Variants in DSCAML1 observed in about 807,000 individuals in gnomAD.
DSCAML1 encodes the protein DS cell adhesion molecule like 1.
Under a neutral mutation model 200.5 loss-of-function variants are expected in DSCAML1, and 38 were observed. The observed-to-expected ratio is 0.19, with a 90% CI of 0.15 to 0.25. The LOEUF (loss-of-function observed/expected upper bound fraction) is 0.25. Among genes scored for constraint, DSCAML1 ranks in the 10% least tolerant of loss-of-function variants. The probability of loss-of-function intolerance (pLI) is 1.00; values close to 1 mark genes in which losing one functional copy is unlikely to be tolerated. For synonymous variants in DSCAML1, 1,215 were observed against 1,165.0 expected (o/e 1.04, Z -0.87); for missense variants, 2,223 against 2,858.8 (o/e 0.78, Z 5.07).
Position 117,535,835 on chromosome 11 carries a change from T to C in DSCAML1, c.512-3313A>G, listed in dbSNP as rs931184638. Among the ~76,000 whole-genome samples, 8 of 141,490 alleles carry C rather than the reference T, an allele frequency of 5.7e-5. 1 individual carries two copies. Among genetic ancestry groups the C allele is most frequent in the African/African-American group, 1.3e-4 (5 of 37,222 alleles). 92.8% of individuals were successfully genotyped at this position (141,490 alleles called of 152,430 possible). ...GCCCTGGACAGCTAGGACCCTGTGATCTTGCATCTCCCGGCACCTCAAGAC... is the reference window on the plus strand; with the variant it reads ...GCCCTGGACAGCTAGGACCCTGTGACCTTGCATCTCCCGGCACCTCAAGAC... On this transcript the variant is annotated intron_variant, in intron 3 of 32. Coordinates refer to ENST00000651296, the MANE Select transcript of DSCAML1 (RefSeq NM_020693.4).
intron 3 of DSCAML1, among the ~76,000 whole-genome samples, chr11:117,581,240 T>C (rs1250232296): frequency 1.3e-5 from 2 of 152,174 alleles, no homozygotes; most frequent in Non-Finnish European, 2.9e-5. Context: ...ACTATCAAAG[T>C]GTAATTATCT....
intron 1 of DSCAML1, among the ~76,000 whole-genome samples, chr11:117,795,948 G>A (rs908525423): frequency 6.6e-6 from 1 of 152,236 alleles, no homozygotes; most frequent in Non-Finnish European, 1.5e-5. Context: ...AGAAAAGTTA[G>A]AGGGCTGAAC....
intron 3 of DSCAML1, among the ~76,000 whole-genome samples, chr11:117,749,492 T>G (rs2054570206): frequency 6.6e-6 from 1 of 152,176 alleles, no homozygotes; most frequent in Admixed American, 6.5e-5. Flanking sequence ...CACAGAGATC[T>G]CAGGTAAATG....
chr11:117,584,821 C>G, intron 3 of DSCAML1, among the ~76,000 whole-genome samples: 1 of 152,166 alleles, frequency 6.6e-6, no homozygotes, highest in East Asian at 1.9e-4. Flanking sequence ...GGGCTCTGGG[C>G]AAGTGACTCA....
At chr11:117,699,158 AGG>A (rs1230936794) in intron 3 of DSCAML1, among the ~76,000 whole-genome samples, 2 of 152,106 alleles carry the variant, frequency 1.3e-5, no homozygotes, top group African/African-American at 4.8e-5. Flanking sequence ...CCAGCAATGA[AGG>A]GAGGAGAAGG....
At chr11:117,746,060 A>G (rs1301585913) in intron 3 of DSCAML1, among the ~76,000 whole-genome samples, 1 of 151,658 alleles carries the variant, frequency 6.6e-6, no homozygotes, top group African/African-American at 2.4e-5. Flanking sequence ...TAAAAAAAAA[A>G]AAATACCAAA....
chr11:117,797,143 C>A lies in DSCAML1; in HGVS notation c.-64G>T, dbSNP rs1387698686. The stretch of plus-strand genomic sequence containing the variant: ...TGGCCGGCCGTGCGGCAGCGCCTCT[C>A]CCCCGCTCAGCGCGCTCCCAGCCGC... On this transcript the variant is annotated 5_prime_UTR_variant, in exon 1 of 33. Coordinates refer to ENST00000651296, the MANE Select transcript of DSCAML1 (RefSeq NM_020693.4). 1 of 1,590,542 alleles carries A rather than the reference C, an allele frequency of 6.3e-7. No individual in the cohort carries two copies. The highest frequency in any genetic ancestry group is 2.4e-5 in the East Asian group (1 of 42,332).
chr11:117,734,564 T>C (rs1168382102), intron 3 of DSCAML1, among the ~76,000 whole-genome samples: 3 of 152,204 alleles, frequency 2.0e-5, no homozygotes, highest in African/African-American at 7.2e-5. Context: ...TTACCTCCTC[T>C]GAAAACCCTT....
At chr11:117,762,793 G>T (rs1025622954) in intron 3 of DSCAML1, among the ~76,000 whole-genome samples, 1 of 151,880 alleles carries the variant, frequency 6.6e-6, no homozygotes, top group East Asian at 1.9e-4. Context: ...AACCCATGAG[G>T]TGGAGGTTGC....
At chr11:117,810,873 T>C (rs2134089925) in intron 1 of DSCAML1, among the ~76,000 whole-genome samples, 1 of 152,282 alleles carries the variant, frequency 6.6e-6, no homozygotes, top group East Asian at 1.9e-4. Context: ...ATCTTCCTTC[T>C]TTCCCTCCCG....
In DSCAML1 at chr11:117,504,009, G is replaced by A. The variant is rs1161201523; in HGVS notation, c.2195C>T (p.Pro732Leu). 6.2e-7 allele frequency: 1 copy of A among 1,613,990 alleles called. No individual in the cohort carries two copies. Among genetic ancestry groups the A allele is most frequent in the Non-Finnish European group, 8.5e-7 (1 of 1,179,966 alleles). Residue 732 changes from proline to leucine, a missense_variant, in exon 11 of 33, where the codon CCC becomes CTC. Physicochemically the swap from Pro to Leu is moderately conservative, Grantham distance 98. Transcript: ENST00000651296. The surrounding 1 kb of genome is among the most constrained non-coding windows in gnomAD (Gnocchi z 5.0). ...MWKHAKGSGN[P>L]QQYHPVPLTG... The stretch of plus-strand genomic sequence containing the variant: ...GAGGGGCACAGGGTGGTACTGCTGG[G>A]GGTTCCCGCTCCCTGGAAGGAGGCA...
chr11:117,519,972 T>C (rs777864442), intron 6 of DSCAML1, among the ~76,000 whole-genome samples: 5 of 152,188 alleles, frequency 3.3e-5, no homozygotes, highest in African/African-American at 1.2e-4. Flanking sequence ...CCCATACCTG[T>C]GGGGCTTGCT....
chr11:117,709,629 A>C (rs2137765253), intron 3 of DSCAML1: 2 of 451,692 alleles, frequency 4.4e-6, no homozygotes, highest in Admixed American at 2.4e-5. Flanking sequence ...GGGGAGGTGC[A>C]GGAGAGGGTT....
At chr11:117,816,534 A>C (rs1364140990) in intron 1 of DSCAML1, among the ~76,000 whole-genome samples, 1 of 152,218 alleles carries the variant, frequency 6.6e-6, no homozygotes, top group Non-Finnish European at 1.5e-5. Flanking sequence ...GCCATGGATC[A>C]ACAGGGAGGC....
chr11:117,775,488 G>A (rs1241411828), intron 3 of DSCAML1, among the ~76,000 whole-genome samples: 2 of 152,220 alleles, frequency 1.3e-5, no homozygotes, highest in Non-Finnish European at 1.5e-5. Context: ...CAGGAGCTTC[G>A]AATTCCCATC....
chr11:117,805,802 A>G (rs1459938195), intron 1 of DSCAML1, among the ~76,000 whole-genome samples: 1 of 152,246 alleles, frequency 6.6e-6, no homozygotes, highest in Non-Finnish European at 1.5e-5. Flanking sequence ...CCCTGCCCTC[A>G]GGAAGCTTGC....
chr11:117,644,461 G>A (rs1444908682), intron 3 of DSCAML1, among the ~76,000 whole-genome samples: 3 of 152,230 alleles, frequency 2.0e-5, no homozygotes, highest in Non-Finnish European at 4.4e-5. Context: ...ACGCATGTGA[G>A]CTGGCACCCC....
At chr11:117,729,102 C>T (rs1261370573) in intron 3 of DSCAML1, among the ~76,000 whole-genome samples, 1 of 152,152 alleles carries the variant, frequency 6.6e-6, no homozygotes, top group East Asian at 1.9e-4. Flanking sequence ...AAATGAGAGT[C>T]CATAAACCCT....
intron 3 of DSCAML1, among the ~76,000 whole-genome samples, chr11:117,740,184 T>C (rs2054396803): frequency 6.6e-6 from 1 of 152,116 alleles, no homozygotes; most frequent in African/African-American, 2.4e-5. Flanking sequence ...TTACATATAT[T>C]ATTTTACCTA....
Sources: gnomAD v4.1 joint callset for allele counts (sites outside exome capture counted in the v4.1 genomes callset) on GRCh38, gnomAD v4.1.1 for gene constraint, Gnocchi (gnomAD v3.1) non-coding constraint, MANE v1.5 for transcripts, NCBI Gene and HGNC (gene_info 2026-07-23, HGNC 2026-07-21) for gene names.